The following MRE11 variants were observed in gnomAD, a reference collection of about 807,000 sequenced individuals.
MRE11 encodes the protein MRE11 double strand break repair nuclease.
Under a neutral mutation model 91.7 loss-of-function variants are expected in MRE11, and 62 were observed. The ratio of observed to expected loss-of-function variants is 0.68; its 90% confidence interval spans 0.55 to 0.84. The LOEUF (loss-of-function observed/expected upper bound fraction) is 0.84. Ranked by LOEUF, MRE11 falls within the 40% of genes least tolerant of loss-of-function variation. The pLI is 0.00. For missense variants in MRE11, 796 were observed against 852.9 expected (o/e 0.93, Z 0.83); for synonymous variants, 273 against 271.4 (o/e 1.01, Z -0.06).
At chr11:94,459,668 T>C (rs1356672495) in intron 12 of MRE11, 87 bp from the exon 13 acceptor site, 1 of 1,396,086 alleles carries the variant, frequency 7.2e-7, no homozygotes. Context: ...ACCAAATATG[T>C]TACCAGAGAA....
chr11:94,448,942 A>G (rs7126985), intron 14 of MRE11, among the ~76,000 whole-genome samples: 17,894 of 152,260 alleles, frequency 0.12, 1,155 homozygotes, highest in South Asian at 0.18. Flanking sequence ...ACTATAAAGA[A>G]GAGTTAATGA....
chr11:94,430,024 T>A lies in MRE11; in HGVS notation c.1995-38A>T, dbSNP rs372102024. On this transcript the variant is annotated intron_variant, in intron 18 of 19. Transcript: ENST00000323929. ...AAAAACAAAAACAAACACAATGAACTACATAATTCATCAAGTGTGCCTTTC... is the reference window on the plus strand; with the variant it reads ...AAAAACAAAAACAAACACAATGAACAACATAATTCATCAAGTGTGCCTTTC... 4.3e-5 allele frequency: 68 copies of A among 1,597,922 alleles called. 1 individual carries two copies. The South Asian group carries it at 6.9e-4, about 16-fold the overall frequency.
chr11:94,463,541 T>A lies in MRE11; in HGVS notation c.1225+572A>T, dbSNP rs397509353. On this transcript the variant is annotated intron_variant, in intron 11 of 19. Transcript: ENST00000323929. ...GACTTGGAACCAACCCAAATTTCCA[T>A]CAATGATAGACTGGATTAAGAAAAT... is the stretch of plus-strand genomic sequence containing the variant. 7.6e-3 allele frequency among the ~76,000 whole-genome samples: 1,159 copies of A among 152,200 alleles called. 6 individuals are homozygous for A. The highest frequency in any genetic ancestry group is 0.013 in the Non-Finnish European group (880 of 67,966).
At chr11:94,485,220 C>CTCCAAA (rs1357519976) in intron 4 of MRE11, among the ~76,000 whole-genome samples, 1 of 151,638 alleles carries the variant, frequency 6.6e-6, no homozygotes, top group Non-Finnish European at 1.5e-5. Flanking sequence ...TGCCACTGTA[C>CTCCAAA]TCCAGCCTGG....
At chr11:94,436,232 T>C (rs1156343535) in intron 17 of MRE11, among the ~76,000 whole-genome samples, 2 of 152,290 alleles carry the variant, frequency 1.3e-5, no homozygotes, top group East Asian at 1.9e-4. Flanking sequence ...GGTGAGACCA[T>C]CAGTGTTCCA....
chr11:94,492,098 T>A (rs1485301264), intron 2 of MRE11, among the ~76,000 whole-genome samples: 1 of 152,062 alleles, frequency 6.6e-6, no homozygotes, highest in African/African-American at 2.4e-5. Context: ...GACTTGAAAC[T>A]AGGGTAAAAG....
intron 4 of MRE11, 45 bp downstream of exon 4, chr11:94,485,879 A>G (rs1320805554): frequency 6.3e-7 from 1 of 1,575,074 alleles, no homozygotes; most frequent in Non-Finnish European, 8.7e-7. Context: ...TACAGCAAAT[A>G]CCATACACAA....
intron 2 of MRE11, 133 bp from the exon 3 acceptor site, chr11:94,491,098 A>G: frequency 3.1e-6 from 2 of 635,086 alleles, no homozygotes; most frequent in South Asian, 4.1e-5. Context: ...CTTAGAGTTC[A>G]TCTGAAAATC....
At chr11:94,437,987 G>T (rs1187900889) in intron 16 of MRE11, among the ~76,000 whole-genome samples, 1 of 152,078 alleles carries the variant, frequency 6.6e-6, no homozygotes, top group African/African-American at 2.4e-5. Flanking sequence ...AATTAGCCAG[G>T]CATGGTGGCA....
intron 10 of MRE11, among the ~76,000 whole-genome samples, chr11:94,464,960 A>C (rs1196545519): frequency 6.6e-6 from 1 of 151,436 alleles, no homozygotes; most frequent in Non-Finnish European, 1.5e-5. Context: ...TCCCACTTTC[A>C]CTCATCATCA....
chr11:94,422,123 C>T (rs1371613778), intron 19 of MRE11, among the ~76,000 whole-genome samples: 2 of 152,056 alleles, frequency 1.3e-5, no homozygotes, highest in African/African-American at 2.4e-5. Context: ...TCAAGCAAAT[C>T]AACAAAAACT....
At chr11:94,441,600 G>A (rs1036321371) in intron 16 of MRE11, among the ~76,000 whole-genome samples, 1 of 152,138 alleles carries the variant, frequency 6.6e-6, no homozygotes, top group African/African-American at 2.4e-5. Context: ...TCCTTACTGT[G>A]TACACACGAA....
rs1424638218 is a variant in MRE11, at chr11:94,435,915, A to T, written c.1927-16T>A. On this transcript the variant is annotated splice_polypyrimidine_tract_variant and intron_variant, in intron 17 of 19. Coordinates refer to ENST00000323929, the MANE Select transcript of MRE11 (RefSeq NM_005591.4). Reference sequence around the variant, plus strand: ...CCTCAATCACCTGGCAAGGAAACAAAGCAACAAACAGTTTTTGTGAGAATA... The same window carrying T: ...CCTCAATCACCTGGCAAGGAAACAATGCAACAAACAGTTTTTGTGAGAATA... 14 of 1,609,412 alleles carry T rather than the reference A, an allele frequency of 8.7e-6. No individual in the cohort carries two copies. The African/African-American group carries it at 1.7e-4, about 20-fold the overall frequency.
chr11:94,501,138 ATCTT>A, the MRE11 span, among the ~76,000 whole-genome samples: 1 of 152,236 alleles, frequency 6.6e-6, no homozygotes, highest in Non-Finnish European at 1.5e-5. Flanking sequence ...TTTAAGGTCT[ATCTT>A]TATTAAGTTC....
intron 5 of MRE11, 28 bp from the exon 6 acceptor site, chr11:94,478,904 A>C (rs192163648): frequency 6.2e-7 from 1 of 1,611,228 alleles, no homozygotes; most frequent in Admixed American, 1.7e-5. Flanking sequence ...AAAGAATGTT[A>C]GTGTGTATGT....
chr11:94,491,032 A>C (rs1947271464), intron 2 of MRE11, 67 bp from the exon 3 acceptor site: 3 of 962,380 alleles, frequency 3.1e-6, no homozygotes. Context: ...AAACAAATTG[A>C]GACAAACTTA....
At chr11:94,471,507 C>T in intron 8 of MRE11, 67 bp downstream of exon 8, 1 of 1,498,402 alleles carries the variant, frequency 6.7e-7, no homozygotes, top group South Asian at 1.1e-5. Context: ...AGGCCTTAAA[C>T]CTATGAGATG....
chr11:94,448,420 TA>T (rs991354242), intron 14 of MRE11, among the ~76,000 whole-genome samples: 1 of 145,872 alleles, frequency 6.9e-6, no homozygotes, highest in Non-Finnish European at 1.5e-5. Context: ...CCACCAAAAA[TA>T]CAAAAAAAAA....
rs562298397 is a variant in MRE11, at chr11:94,447,750, C to T, written c.1564-312G>A. Among the ~76,000 whole-genome samples the T allele has an allele frequency of 1.7e-4, 25 of 151,460 alleles. No homozygotes were observed. The East Asian group carries it at 3.9e-3, about 23-fold the overall frequency. On this transcript the variant is annotated intron_variant, in intron 14 of 19. Coordinates refer to ENST00000323929, the MANE Select transcript of MRE11 (RefSeq NM_005591.4). Reference sequence around the variant, plus strand: ...ACACAGGAGGCTGAGGCAGGAGGATCACTTGAGCCTAGGAGATACAGGCTG... The same window carrying T: ...ACACAGGAGGCTGAGGCAGGAGGATTACTTGAGCCTAGGAGATACAGGCTG...
Sources: allele counts gnomAD v4.1 joint callset (sites outside exome capture counted in the v4.1 genomes callset), GRCh38; gene constraint gnomAD v4.1.1; transcripts MANE v1.5; gene names NCBI Gene and HGNC (gene_info 2026-07-23, HGNC 2026-07-21).